Variants in ZNRD2 observed in about 807,000 individuals in gnomAD.
ZNRD2 encodes the protein protein ZNRD2.
ZNRD2 carries 16 observed loss-of-function variants against 22.0 expected under a neutral mutation model. The observed-to-expected ratio is 0.73, with a 90% CI of 0.49 to 1.11. ZNRD2 has a LOEUF of 1.11. ZNRD2 is among the 50% of genes least tolerant of loss of function. The pLI, the probability that ZNRD2 is intolerant of heterozygous loss-of-function variation, is 0.00. For synonymous variants in ZNRD2, 105 were observed against 109.8 expected (o/e 0.96, Z 0.27); for missense variants, 269 against 258.9 (o/e 1.04, Z -0.27).
In ZNRD2 at chr11:65,570,671, G is replaced by T; in HGVS notation, c.87G>T (p.Glu29Asp). Residue 29 changes from glutamate to aspartate, a missense_variant, in exon 2 of 4, where the codon GAG becomes GAT. Transcript: ENST00000309328. ...AETKVLQARR[E>D]RQDRISRLMG... Reference sequence around the variant, plus strand: ...CGAAGGTGCTGCAGGCGCGACGGGAGCGGCAAGATCGCATCTCCCGGCTCA... The same window carrying T: ...CGAAGGTGCTGCAGGCGCGACGGGATCGGCAAGATCGCATCTCCCGGCTCA... The T allele has an allele frequency of 6.2e-7, 1 of 1,613,850 alleles. No homozygotes were observed. The highest frequency in any genetic ancestry group is 8.5e-7 in the Non-Finnish European group (1 of 1,179,976).
chr11:65,570,834 G>C (rs1382157048), intron 2 of ZNRD2, 52 bp from the exon 3 acceptor site: 1 of 1,613,488 alleles, frequency 6.2e-7, no homozygotes, highest in Non-Finnish European at 8.5e-7. Context: ...CCTCCCCTCT[G>C]GACCCCATTG....
In ZNRD2 at chr11:65,571,499, C is replaced by T; in HGVS notation, c.365C>T (p.Pro122Leu). 1 of 1,613,836 alleles carries T rather than the reference C, an allele frequency of 6.2e-7. No individual in the cohort carries two copies. The highest frequency in any genetic ancestry group is 1.3e-5 in the African/African-American group (1 of 75,054). The change falls in exon 4 of 4, where the codon CCG (proline) becomes CTG (leucine). Residue 122 changes from proline (P) to leucine (L), a missense_variant. By Grantham distance (98) the Pro-to-Leu change is moderately conservative. Coordinates refer to ENST00000309328, the MANE Select transcript of ZNRD2 (RefSeq NM_006396.3). Reference sequence around the variant, plus strand: ...GCGCCCCAGCCCCCAGTACCTCGTCCGGAGCACTGTGAGGGAGCTGCAGCA... The same window carrying T: ...GCGCCCCAGCCCCCAGTACCTCGTCTGGAGCACTGTGAGGGAGCTGCAGCA... ...RPAPQPPVPR[P>L]EHCEGAAAGL... is the part of the protein sequence containing the mutation.
chr11:65,571,778 C>T lies in ZNRD2; in HGVS notation c.*44C>T, dbSNP rs759906632. On this transcript the variant is annotated 3_prime_UTR_variant, in exon 4 of 4. Coordinates refer to ENST00000309328, the MANE Select transcript of ZNRD2 (RefSeq NM_006396.3). ...ACCCTCTAGAAAAACAGCTGTTCCTCTGTGTGGTTTGTTTTTTTCCTGGTT... is the reference window on the plus strand; with the variant it reads ...ACCCTCTAGAAAAACAGCTGTTCCTTTGTGTGGTTTGTTTTTTTCCTGGTT... The T allele has an allele frequency of 6.0e-6, 9 of 1,505,594 alleles. No individual in the cohort carries two copies. The Admixed American group carries it at 1.4e-4, about 23-fold the overall frequency. 93.3% of individuals were successfully genotyped at this position (1,505,594 alleles called of 1,614,324 possible).
rs756273989 is a variant in ZNRD2, at chr11:65,571,485, C to G, written c.351C>G (p.Pro117=). 3.2e-5 allele frequency: 51 copies of G among 1,613,702 alleles called. No homozygotes were observed. The highest frequency in any genetic ancestry group is 4.0e-5 in the Non-Finnish European group (47 of 1,180,040). Reference sequence around the variant, plus strand: ...TGGGCTCTCGACCTGCGCCCCAGCCCCCAGTACCTCGTCCGGAGCACTGTG... The same window carrying G: ...TGGGCTCTCGACCTGCGCCCCAGCCGCCAGTACCTCGTCCGGAGCACTGTG... ...LPLGSRPAPQ[P]PVPRPEHCEG... Residue 117 remains proline (P), a synonymous_variant, in exon 4 of 4, where the codon CCC becomes CCG. Transcript: ENST00000309328.
Position 65,570,499 on chromosome 11 carries a change from T to A in ZNRD2, c.8T>A (p.Leu3Gln). The change falls in exon 1 of 4, where the codon CTG becomes CAG. Residue 3 changes from leucine to glutamine, a missense_variant. By Grantham distance (113) the Leu-to-Gln change is moderately radical. Transcript: ENST00000309328. Reference protein sequence around the residue: MALNGAEVDDFSW... With the variant: MAQNGAEVDDFSW... Reference sequence around the variant, plus strand: ...GGCGGTGACAACGGCAACATGGCCCTGAACGGAGCTGGTGAGGACCTGGGC... The same window carrying A: ...GGCGGTGACAACGGCAACATGGCCCAGAACGGAGCTGGTGAGGACCTGGGC... The A allele has an allele frequency of 6.2e-7, 1 of 1,613,800 alleles. No individual in the cohort carries two copies. The highest frequency in any genetic ancestry group is 8.5e-7 in the Non-Finnish European group (1 of 1,179,968).
chr11:65,571,198 A>T (rs1379787965), intron 3 of ZNRD2, among the ~76,000 whole-genome samples, 193 bp from the exon 4 acceptor site: 1 of 152,208 alleles, frequency 6.6e-6, no homozygotes, highest in African/African-American at 2.4e-5. Flanking sequence ...TCTGAGCTCA[A>T]CCAGGCCCAG....
chr11:65,570,913 A>G lies in ZNRD2; in HGVS notation c.199A>G (p.Lys67Glu). Residue 67 changes from lysine to glutamate, a missense_variant, in exon 3 of 4, where the codon AAA (lysine) becomes GAA (glutamate). By Grantham distance (56) the Lys-to-Glu change is moderately conservative. Coordinates refer to ENST00000309328, the MANE Select transcript of ZNRD2 (RefSeq NM_006396.3). ...GATCCTCCTCCAAGACAAACAGCGGAAAATCTACTGCGTGGCTTGTCAGGA... is the reference window on the plus strand; with the variant it reads ...GATCCTCCTCCAAGACAAACAGCGGGAAATCTACTGCGTGGCTTGTCAGGA... The part of the protein sequence containing the change: ...GTILLQDKQR[K>E]IYCVACQELD... The G allele has an allele frequency of 6.2e-7, 1 of 1,614,182 alleles. No individual in the cohort carries two copies. Among genetic ancestry groups the G allele is most frequent in the Non-Finnish European group, 8.5e-7 (1 of 1,180,024 alleles).
At position 65,570,717 on chromosome 11, in the gene ZNRD2, G is replaced by A; in HGVS notation, c.133G>A (p.Gly45Ser). The stretch of plus-strand genomic sequence containing the variant: ...GCTCATGGGCGACTATCTGCTGCGC[G>A]GTTACCGCATGCTGGGCGAGACGTG... ...SRLMGDYLLR[G>S]YRMLGETCAD... The change falls in exon 2 of 4, where the codon GGT becomes AGT. Residue 45 changes from glycine to serine, a missense_variant. Gly to Ser is a moderately conservative substitution (Grantham distance 56). Coordinates refer to ENST00000309328, the MANE Select transcript of ZNRD2 (RefSeq NM_006396.3). The A allele has an allele frequency of 6.2e-7, 1 of 1,613,882 alleles. No individual in the cohort carries two copies. Among genetic ancestry groups the A allele is most frequent in the Non-Finnish European group, 8.5e-7 (1 of 1,179,944 alleles).
At chr11:65,571,093 T>G (rs967133878) in intron 3 of ZNRD2, 123 bp downstream of exon 3, 233 of 961,076 alleles carry the variant, frequency 2.4e-4, no homozygotes, top group Non-Finnish European at 3.3e-4. Context: ...CTGGGTGGGG[T>G]AGAAGTAAAA....
rs769177605 is a variant in ZNRD2 at position 65,571,554 on chromosome 11, T to A, written c.420T>A (p.Ala140=). The A allele has an allele frequency of 1.9e-6, 3 of 1,614,038 alleles. No homozygotes were observed. The Admixed American group carries it at 5.0e-5, about 27-fold the overall frequency. The change falls in exon 4 of 4, where the codon GCT becomes GCA. Residue 140 remains alanine, a synonymous_variant. Transcript: ENST00000309328. ...AGLKAAQGPP[A]PAVPPNTDVM... is the part of the protein sequence containing the mutation. ...TCAAGGCAGCCCAGGGGCCACCTGC[T>A]CCTGCTGTGCCTCCAAATACAGATG...
Position 65,570,596 on chromosome 11 carries a change from T to TTCCCCTCTCG in ZNRD2, c.20-3_20-2insTCTCGTCCCC. 6.2e-7 allele frequency: 1 copy of TTCCCCTCTCG among 1,613,830 alleles called. No individual in the cohort carries two copies. The highest frequency in any genetic ancestry group is 8.5e-7 in the Non-Finnish European group (1 of 1,179,906). On this transcript the variant is annotated splice_polypyrimidine_tract_variant and splice_region_variant and intron_variant, in intron 1 of 3. Transcript: ENST00000309328. ...AAGACCCCCAGTCCCTATGCCTCTC[T>TTCCCCTCTCG]TCCCCAGAAGTCGACGACTTCTCCT...
At position 65,571,559 on chromosome 11, in the gene ZNRD2, C is replaced by A. The variant is rs773156988; in HGVS notation, c.425C>A (p.Ala142Asp). Reference sequence around the variant, plus strand: ...GCAGCCCAGGGGCCACCTGCTCCTGCTGTGCCTCCAAATACAGATGTCATG... The same window carrying A: ...GCAGCCCAGGGGCCACCTGCTCCTGATGTGCCTCCAAATACAGATGTCATG... ...LKAAQGPPAP[A>D]VPPNTDVMAC... The change falls in exon 4 of 4, where the codon GCT (alanine) becomes GAT (aspartate). Residue 142 changes from alanine (A) to aspartate (D), a missense_variant. Ala to Asp is a moderately radical substitution (Grantham distance 126). Transcript: ENST00000309328. The A allele has an allele frequency of 1.2e-6, 2 of 1,614,080 alleles. No homozygotes were observed. Among genetic ancestry groups the A allele is most frequent in the East Asian group, 2.2e-5 (1 of 44,890 alleles).
rs779233584 is a variant in ZNRD2 at position 65,571,674 on chromosome 11, G to C, written c.540G>C (p.Leu180=). ...CCTCCCTGGAGACTAGCATCCAGCT[G>C]TGTGGCCTTATCCGCGCATGTGCGG... ...SSTSLETSIQ[L]CGLIRACAEA... Residue 180 remains leucine, a synonymous_variant, in exon 4 of 4, where the codon CTG becomes CTC. Coordinates refer to ENST00000309328, the MANE Select transcript of ZNRD2 (RefSeq NM_006396.3). 1 of 1,614,020 alleles carries C rather than the reference G, an allele frequency of 6.2e-7. No homozygotes were observed. Among genetic ancestry groups the C allele is most frequent in the Non-Finnish European group, 8.5e-7 (1 of 1,180,012 alleles).
At position 65,570,952 on chromosome 11, in the gene ZNRD2, G is replaced by C; in HGVS notation, c.238G>C (p.Val80Leu). 6.2e-7 allele frequency: 1 copy of C among 1,614,110 alleles called. No individual in the cohort carries two copies. Among genetic ancestry groups the C allele is most frequent in the South Asian group, 1.1e-5 (1 of 91,082 alleles). The change falls in exon 3 of 4, where the codon GTG (valine) becomes CTG (leucine). Residue 80 changes from valine to leucine, a missense_variant. Coordinates refer to ENST00000309328, the MANE Select transcript of ZNRD2 (RefSeq NM_006396.3). ...GGCTTGTCAGGAACTCGACTCAGAC[G>C]TGGATAAAGATAATCCCGGTAAGAG... ...CVACQELDSD[V>L]DKDNPALNAQ... is the part of the protein sequence containing the mutation.
chr11:65,571,424 G>C lies in ZNRD2; in HGVS notation c.290G>C (p.Arg97Pro). ...GCCCAGGCTGCCCTCTCCCAAGCTC[G>C]GGAGCACCAGCTGGCCTCAGCCTCA... Reference protein sequence around the residue: ...LNAQAALSQAREHQLASASEL... With the variant: ...LNAQAALSQAPEHQLASASEL... The change falls in exon 4 of 4, where the codon CGG becomes CCG. Residue 97 changes from arginine (R) to proline (P), a missense_variant. Transcript: ENST00000309328. 1 of 1,608,332 alleles carries C rather than the reference G, an allele frequency of 6.2e-7. No individual in the cohort carries two copies. Among genetic ancestry groups the C allele is most frequent in the Non-Finnish European group, 8.5e-7 (1 of 1,176,196 alleles).
Position 65,571,632 on chromosome 11 carries a change from T to C in ZNRD2, c.498T>C (p.Ala166=). ...TGCAGAAGCTGACCTGGGCCTCTGC[T>C]GAACTGGGCTCTAGCACCTCCCTGG... is the stretch of plus-strand genomic sequence containing the variant. The part of the protein sequence containing the change: ...ALLQKLTWAS[A]ELGSSTSLET... The change falls in exon 4 of 4, where the codon GCT becomes GCC. Residue 166 remains alanine, a synonymous_variant. Coordinates refer to ENST00000309328, the MANE Select transcript of ZNRD2 (RefSeq NM_006396.3). 6.2e-7 allele frequency: 1 copy of C among 1,614,134 alleles called. No homozygotes were observed.
Position 65,571,713 on chromosome 11 carries a change from C to G in ZNRD2, c.579C>G (p.Ser193Arg), listed in dbSNP as rs1345819141. Residue 193 changes from serine to arginine, a missense_variant, in exon 4 of 4, where the codon AGC becomes AGG. Physicochemically the swap from Ser to Arg is moderately radical, Grantham distance 110. Transcript: ENST00000309328. ...LIRACAEALR[S>R]LQQLQH ...GCGCATGTGCGGAGGCCCTGCGCAGCCTGCAGCAGCTACAGCACTAAGAGA... is the reference window on the plus strand; with the variant it reads ...GCGCATGTGCGGAGGCCCTGCGCAGGCTGCAGCAGCTACAGCACTAAGAGA... 5 of 1,610,492 alleles carry G rather than the reference C, an allele frequency of 3.1e-6. No homozygotes were observed. In the African/African-American group the frequency reaches 5.3e-5, roughly 17 times the overall value.
At position 65,570,672 on chromosome 11, in the gene ZNRD2, C is replaced by G; in HGVS notation, c.88C>G (p.Arg30Gly). The change falls in exon 2 of 4, where the codon CGG becomes GGG. Residue 30 changes from arginine to glycine, a missense_variant. By Grantham distance (125) the Arg-to-Gly change is moderately radical. Coordinates refer to ENST00000309328, the MANE Select transcript of ZNRD2 (RefSeq NM_006396.3). ...ETKVLQARRE[R>G]QDRISRLMGD... is the part of the protein sequence containing the mutation. ...GAAGGTGCTGCAGGCGCGACGGGAG[C>G]GGCAAGATCGCATCTCCCGGCTCAT... 1 of 1,613,826 alleles carries G rather than the reference C, an allele frequency of 6.2e-7. No individual in the cohort carries two copies. Among genetic ancestry groups the G allele is most frequent in the Non-Finnish European group, 8.5e-7 (1 of 1,179,974 alleles).
rs372972015 is a variant in ZNRD2, at chr11:65,570,586, T to G, written c.20-18T>G. On this transcript the variant is annotated intron_variant, in intron 1 of 3. Transcript: ENST00000309328. ...CCACTCCGGCAAGACCCCCAGTCCC[T>G]ATGCCTCTCTTCCCCAGAAGTCGAC... The G allele has an allele frequency of 3.3e-5, 53 of 1,613,804 alleles. No homozygotes were observed. Among genetic ancestry groups the G allele is most frequent in the Non-Finnish European group, 4.4e-5 (52 of 1,179,988 alleles).
Sources: allele counts gnomAD v4.1 joint callset (sites outside exome capture counted in the v4.1 genomes callset), GRCh38; gene constraint gnomAD v4.1.1; transcripts MANE v1.5; gene names NCBI Gene and HGNC (gene_info 2026-07-23, HGNC 2026-07-21).